Variants in MYO7B observed in about 807,000 individuals in gnomAD.
The protein encoded by MYO7B is myosin VIIB, also known as unconventional myosin-VIIb.
MYO7B carries 212 observed loss-of-function variants against 259.7 expected under a neutral mutation model. The observed-to-expected ratio is 0.82, with a 90% CI of 0.73 to 0.91. The LOEUF (loss-of-function observed/expected upper bound fraction) is 0.91. Among genes scored for constraint, MYO7B ranks in the 40% least tolerant of loss-of-function variants. The probability of loss-of-function intolerance (pLI) is 0.00; values close to 1 mark genes in which losing one functional copy is unlikely to be tolerated. For synonymous variants in MYO7B, 1,197 were observed against 1,166.4 expected (o/e 1.03, Z -0.54); for missense variants, 2,732 against 2,813.5 (o/e 0.97, Z 0.66).
rs1297427419 is a variant in MYO7B at position 127,614,682 on chromosome 2, T to C, written c.3398+2079T>C. ...CTTCTCTGGCAGCCCCCAGTTCTCC[T>C]GGGGTCCCCTTCACCAACCTCATCA... On this transcript the variant is annotated intron_variant, in intron 26 of 47. Transcript: ENST00000409816. This position sits in a 1 kb window ranked among gnomAD's most constrained non-coding sequence, Gnocchi z 4.6. 1.3e-5 allele frequency among the ~76,000 whole-genome samples: 2 copies of C among 152,120 alleles called. No individual in the cohort carries two copies. Among genetic ancestry groups the C allele is most frequent in the South Asian group, 2.1e-4 (1 of 4,826 alleles).
At position 127,604,752 on chromosome 2, in the gene MYO7B, G is replaced by C. The variant is rs1680100735; in HGVS notation, c.2340-1092G>C. Among the ~76,000 whole-genome samples the C allele has an allele frequency of 2.6e-5, 4 of 152,316 alleles. No homozygotes were observed. The South Asian group carries it at 8.3e-4, about 32-fold the overall frequency. On this transcript the variant is annotated intron_variant, in intron 19 of 47. Transcript: ENST00000409816. ...CTGTGTCTCAGGGAACAGGGAAACAGAGAAAAGAGAGAGAGATGGGGCACT... is the reference window on the plus strand; with the variant it reads ...CTGTGTCTCAGGGAACAGGGAAACACAGAAAAGAGAGAGAGATGGGGCACT...
chr2:127,588,679 C>A (rs1679400248), intron 15 of MYO7B, 124 bp downstream of exon 15: 6 of 1,144,014 alleles, frequency 5.2e-6, no homozygotes, highest in Admixed American at 2.2e-5. Context: ...ACTTGGGAAT[C>A]CTGCAATGGA....
At chr2:127,605,817 T>A (rs774386202) in intron 19 of MYO7B, 27 bp from the exon 20 acceptor site, 1 of 1,605,820 alleles carries the variant, frequency 6.2e-7, no homozygotes, top group South Asian at 1.1e-5. Context: ...GATTGTTACA[T>A]GTGTGTGGCT....
chr2:127,620,514 G>C (rs766922005), intron 27 of MYO7B, 48 bp downstream of exon 27: 39 of 1,452,034 alleles, frequency 2.7e-5, no homozygotes, highest in Non-Finnish European at 3.1e-5. Context: ...GGTTCTGGTG[G>C]GAGCGTAGGT....
chr2:127,623,126 G>C, intron 28 of MYO7B, 76 bp from the exon 29 acceptor site: 1 of 1,533,276 alleles, frequency 6.5e-7, no homozygotes, highest in Non-Finnish European at 8.9e-7. Flanking sequence ...GGAGAGGAGG[G>C]AGGTAGTGGA....
intron 36 of MYO7B, 103 bp downstream of exon 36, chr2:127,631,011 A>C (rs1681467522): frequency 1.1e-5 from 15 of 1,379,130 alleles, no homozygotes; most frequent in Non-Finnish European, 1.3e-5. Context: ...CATTGCACCC[A>C]CTGAGAGCTG....
rs1444785164 is a variant in MYO7B, at chr2:127,623,318, CA to C, written c.3764del (p.Lys1255SerfsTer30). On this transcript the variant is annotated frameshift_variant, in exon 29 of 48. Transcript: ENST00000409816. LOFTEE classifies it high-confidence loss of function. ...GGGAAATGTGCATGCACATCGCTCACAAGCAGGGCCTCAGCGACCACCTGGG... is the reference window on the plus strand; with the variant it reads ...GGGAAATGTGCATGCACATCGCTCACAGCAGGGCCTCAGCGACCACCTGGG... ...SREMCMHIAH[K>X]QGLSDHLGFS... The C allele has an allele frequency of 1.9e-6, 3 of 1,612,128 alleles. No individual in the cohort carries two copies. The highest frequency in any genetic ancestry group is 1.7e-6 in the Non-Finnish European group (2 of 1,179,164).
intron 19 of MYO7B, among the ~76,000 whole-genome samples, chr2:127,600,614 G>A (rs1412622388): frequency 6.6e-6 from 1 of 152,224 alleles, no homozygotes; most frequent in African/African-American, 2.4e-5. Flanking sequence ...GGAGGCTGAG[G>A]CAGGAGAATC....
At position 127,634,830 on chromosome 2, in the gene MYO7B, G is replaced by A. The variant is rs572106398; in HGVS notation, c.5713+147G>A. The A allele has an allele frequency of 3.3e-4, 257 of 768,382 alleles. 3 individuals are homozygous for A. The highest frequency in any genetic ancestry group is 1.5e-3 in the Middle Eastern group (4 of 2,674). The allele number at this position is 768,382 out of a possible 1,614,324, so 47.6% of individuals were successfully genotyped here. On this transcript the variant is annotated intron_variant, in intron 42 of 47. Coordinates refer to ENST00000409816, the MANE Select transcript of MYO7B (RefSeq NM_001393586.1). ...TGGGAACAACCAGGCCCTGGGGCCC[G>A]GCGGTGAGGGCCAGCTCAGGCAGAA... is the stretch of plus-strand genomic sequence containing the variant.
intron 3 of MYO7B, 30 bp from the exon 4 acceptor site, chr2:127,565,203 C>T (rs753091534): frequency 8.1e-6 from 13 of 1,605,956 alleles, no homozygotes; most frequent in Admixed American, 6.7e-5. Context: ...GGAGGCCACC[C>T]CTCAGGGGAG....
rs1174444030 is a variant in MYO7B, at chr2:127,539,167, T to G, written c.-24+3336T>G. 6.6e-6 allele frequency among the ~76,000 whole-genome samples: 1 copy of G among 152,116 alleles called. No homozygotes were observed. Among genetic ancestry groups the G allele is most frequent in the Non-Finnish European group, 1.5e-5 (1 of 68,024 alleles). ...TCATCCCTTGCCTGCCTTATTCAAA[T>G]ACTAAACAAAACAGAGTGATATGAG... On this transcript the variant is annotated intron_variant, in intron 1 of 47. Transcript: ENST00000409816. The surrounding 1 kb of genome is among the most constrained non-coding windows in gnomAD (Gnocchi z 4.0).
rs1362016825 is a variant in MYO7B at position 127,614,439 on chromosome 2, T to A, written c.3398+1836T>A. Among the ~76,000 whole-genome samples, 1 of 152,060 alleles carries A rather than the reference T, an allele frequency of 6.6e-6. No individual in the cohort carries two copies. Among genetic ancestry groups the A allele is most frequent in the African/African-American group, 2.4e-5 (1 of 41,410 alleles). ...CCATACAGTACATGTACAGCTCCCA[T>A]CTCCTGTCCTCTCTCCTCCTTGCCC... On this transcript the variant is annotated intron_variant, in intron 26 of 47. Transcript: ENST00000409816. The surrounding 1 kb of genome is among the most constrained non-coding windows in gnomAD (Gnocchi z 4.6).
chr2:127,559,675 C>T lies in MYO7B; in HGVS notation c.-23-25C>T, dbSNP rs765842841. 107 of 1,612,488 alleles carry T rather than the reference C, an allele frequency of 6.6e-5. No individual in the cohort carries two copies. The highest frequency in any genetic ancestry group is 2.1e-4 in the South Asian group (19 of 91,050). On this transcript the variant is annotated intron_variant, in intron 1 of 47. Transcript: ENST00000409816. This position sits in a 1 kb window ranked among gnomAD's most constrained non-coding sequence, Gnocchi z 4.1. ...CTATTGGGGCTGTGTATGGAGCTGA[C>T]GTTCTGCTTTCTCTCTCCATACAGG...
chr2:127,565,539 C>T (rs1003439078), intron 4 of MYO7B, among the ~76,000 whole-genome samples, 154 bp downstream of exon 4: 1 of 152,322 alleles, frequency 6.6e-6, no homozygotes. Context: ...TCTCTGCTGC[C>T]CAGTCCCAAA....
At chr2:127,566,561 C>T in intron 4 of MYO7B, 82 bp from the exon 5 acceptor site, 8 of 1,374,900 alleles carry the variant, frequency 5.8e-6, no homozygotes, top group Non-Finnish European at 7.7e-6. Context: ...GAGGGCAGAG[C>T]CAGAGCCAAG....
intron 39 of MYO7B, 110 bp downstream of exon 39, chr2:127,632,511 G>GT (rs1403573644): frequency 2.2e-6 from 3 of 1,356,626 alleles, no homozygotes; most frequent in Non-Finnish European, 3.0e-6. Flanking sequence ...GGACTCTCCA[G>GT]AAGCCAGTGT....
intron 10 of MYO7B, 123 bp from the exon 11 acceptor site, chr2:127,581,768 C>T (rs1679109936): frequency 7.2e-7 from 1 of 1,390,812 alleles, no homozygotes; most frequent in Non-Finnish European, 9.6e-7. Flanking sequence ...TCGGGCAGCG[C>T]CCACCCTCCG....
chr2:127,603,416 C>G (rs1312410485), intron 19 of MYO7B, among the ~76,000 whole-genome samples: 1 of 152,212 alleles, frequency 6.6e-6, no homozygotes. Context: ...GCTTTGTTCA[C>G]AGGCATAACA....
chr2:127,571,619 T>G (rs1678632560), intron 6 of MYO7B, among the ~76,000 whole-genome samples: 1 of 151,848 alleles, frequency 6.6e-6, no homozygotes, highest in Non-Finnish European at 1.5e-5. Context: ...TAGCTGGAAT[T>G]ATAGGCATGC....
Sources: gnomAD v4.1 joint callset for allele counts (sites outside exome capture counted in the v4.1 genomes callset) on GRCh38, gnomAD v4.1.1 for gene constraint, Gnocchi (gnomAD v3.1) non-coding constraint, MANE v1.5 for transcripts, NCBI Gene and HGNC (gene_info 2026-07-23, HGNC 2026-07-21) for gene names.